The following RSF1 variants were observed in gnomAD, a reference collection of about 807,000 sequenced individuals.
The protein encoded by RSF1 is remodeling and spacing factor 1.
A neutral mutation model predicts 145.2 loss-of-function variants in RSF1; 13 were observed. That is an observed-to-expected ratio of 0.09 (90% CI 0.06 to 0.14). The LOEUF is 0.14. Ranked by LOEUF, RSF1 falls within the 10% of genes least tolerant of loss-of-function variation. The pLI, the probability that RSF1 is intolerant of heterozygous loss-of-function variation, is 1.00. For synonymous variants in RSF1, 577 were observed against 592.6 expected (o/e 0.97, Z 0.38); for missense variants, 1,517 against 1,718.2 (o/e 0.88, Z 2.07).
chr11:77,743,314 T>A (rs1947962376), intron 3 of RSF1, among the ~76,000 whole-genome samples: 1 of 152,216 alleles, frequency 6.6e-6, no homozygotes, highest in African/African-American at 2.4e-5. Context: ...AATCTGTAGA[T>A]CACTTTGGGT....
chr11:77,795,980 T>C (rs554228827), intron 1 of RSF1, among the ~76,000 whole-genome samples: 1 of 152,312 alleles, frequency 6.6e-6, no homozygotes, highest in Admixed American at 6.5e-5. Context: ...TTCTAGAATT[T>C]CTAGTTTATT....
intron 1 of RSF1, among the ~76,000 whole-genome samples, chr11:77,791,389 G>T (rs936169209): frequency 6.6e-6 from 1 of 152,108 alleles, no homozygotes. Context: ...ATGGGATGCC[G>T]TGAAGACCTC....
chr11:77,685,457 A>G (rs752914141), intron 9 of RSF1, among the ~76,000 whole-genome samples: 5 of 152,172 alleles, frequency 3.3e-5, no homozygotes, highest in Non-Finnish European at 5.9e-5. Context: ...CACCACAACC[A>G]GCTAATTTTT....
chr11:77,857,235 G>A, the RSF1 span, among the ~76,000 whole-genome samples: 3 of 152,148 alleles, frequency 2.0e-5, no homozygotes, highest in Non-Finnish European at 4.4e-5. Flanking sequence ...TGAGAGGAAG[G>A]AATACCTAAG....
rs1411392014 is a variant in RSF1 at position 77,666,253 on chromosome 11, T to TG, written c.*663_*664insC. 8 of 152,458 alleles carry TG rather than the reference T, an allele frequency of 5.2e-5. No individual in the cohort carries two copies. Among genetic ancestry groups the TG allele is most frequent in the African/African-American group, 1.9e-4 (8 of 41,468 alleles). The allele number at this position is 152,458 out of a possible 1,614,324, so 9.4% of individuals were successfully genotyped here. On this transcript the variant is annotated 3_prime_UTR_variant, in exon 16 of 16. Coordinates refer to ENST00000308488, the MANE Select transcript of RSF1 (RefSeq NM_016578.4). ...ATGCTTTTCAGATGATTTTATTTTT[T>TG]TTTAAACAAGAAACTCTGCTATAAC...
At position 77,660,555 on chromosome 11, in the gene RSF1, C is replaced by T. The variant is rs1959222046; in HGVS notation, c.*6362G>A. Reference sequence around the variant, plus strand: ...TGCTTTAAATCTCATCTCCTAGAAACCAAATAAAACATTCTGAGAACCTAT... The same window carrying T: ...TGCTTTAAATCTCATCTCCTAGAAATCAAATAAAACATTCTGAGAACCTAT... On this transcript the variant is annotated 3_prime_UTR_variant, in exon 16 of 16. Coordinates refer to ENST00000308488, the MANE Select transcript of RSF1 (RefSeq NM_016578.4). 1 of 151,988 alleles carries T rather than the reference C, an allele frequency of 6.6e-6. No individual in the cohort carries two copies. Among genetic ancestry groups the T allele is most frequent in the Non-Finnish European group, 1.5e-5 (1 of 67,988 alleles). 9.4% of individuals were successfully genotyped at this position (151,988 alleles called of 1,614,324 possible). A position where few individuals can be genotyped will look rare whatever the true frequency, so the allele number is the denominator to read the frequency against.
chr11:77,665,447 A>G lies in RSF1; in HGVS notation c.*1470T>C, dbSNP rs1838454289. ...TAATCACAAGTGCTACACTCTGTAC[A>G]ATGTTATGGCTCTGCCTGAAATTTT... On this transcript the variant is annotated 3_prime_UTR_variant, in exon 16 of 16. Transcript: ENST00000308488. The G allele has an allele frequency of 6.6e-6, 1 of 152,244 alleles. No individual in the cohort carries two copies. Among genetic ancestry groups the G allele is most frequent in the African/African-American group, 2.4e-5 (1 of 41,472 alleles). 9.4% of individuals were successfully genotyped at this position (152,244 alleles called of 1,614,324 possible).
chr11:77,675,860 T>C (rs1392494448), intron 13 of RSF1, among the ~76,000 whole-genome samples: 2 of 152,254 alleles, frequency 1.3e-5, no homozygotes, highest in Non-Finnish European at 2.9e-5. Context: ...ATAAATCTCA[T>C]ATTAATTTAG....
chr11:77,679,732 T>C (rs754837700), intron 11 of RSF1, among the ~76,000 whole-genome samples: 13 of 151,922 alleles, frequency 8.6e-5, no homozygotes, highest in Non-Finnish European at 1.5e-4. Context: ...ATTACTGCTA[T>C]TGAAAATTAT....
intron 1 of RSF1, among the ~76,000 whole-genome samples, chr11:77,765,269 G>A (rs1011540085): frequency 2.6e-5 from 4 of 152,308 alleles, no homozygotes; most frequent in Admixed American, 6.5e-5. Context: ...AAGGAACCAA[G>A]AAGTATGAAT....
intron 1 of RSF1, among the ~76,000 whole-genome samples, chr11:77,812,356 T>C (rs370272453): frequency 3.5e-4 from 53 of 152,302 alleles, no homozygotes; most frequent in Non-Finnish European, 6.0e-4. Context: ...ATAATCCTAC[T>C]ATTCAGAAAA....
intron 1 of RSF1, among the ~76,000 whole-genome samples, chr11:77,808,856 T>C (rs752345486): frequency 6.6e-6 from 1 of 152,188 alleles, no homozygotes; most frequent in Non-Finnish European, 1.5e-5. Flanking sequence ...CTTTTAAAAA[T>C]AATGTTCATG....
intron 2 of RSF1, among the ~76,000 whole-genome samples, chr11:77,747,391 A>G (rs1265160053): frequency 6.6e-6 from 1 of 152,174 alleles, no homozygotes; most frequent in African/African-American, 2.4e-5. Context: ...TACTTTATAG[A>G]CACATTTTCC....
At chr11:77,841,460 T>C in the RSF1 span, among the ~76,000 whole-genome samples, 1 of 152,198 alleles carries the variant, frequency 6.6e-6, no homozygotes, top group Non-Finnish European at 1.5e-5. Flanking sequence ...TAATTAAACA[T>C]TTGGCTCAAA....
At chr11:77,864,770 G>A in the RSF1 span, among the ~76,000 whole-genome samples, 2 of 152,052 alleles carry the variant, frequency 1.3e-5, no homozygotes, top group African/African-American at 4.8e-5. Flanking sequence ...TTTGAGCCTA[G>A]GAGTTCAAGA....
chr11:77,730,063 T>C (rs1195604153), intron 4 of RSF1, among the ~76,000 whole-genome samples: 2 of 152,114 alleles, frequency 1.3e-5, no homozygotes, highest in Non-Finnish European at 2.9e-5. Flanking sequence ...AATTAGTTCA[T>C]ATAATTCCAA....
At chr11:77,837,682 T>G in the RSF1 span, among the ~76,000 whole-genome samples, 1 of 152,160 alleles carries the variant, frequency 6.6e-6, no homozygotes, top group African/African-American at 2.4e-5. Flanking sequence ...GTGATCCACC[T>G]GCTTTGGCCA....
At chr11:77,680,619 A>G (rs1459977202) in intron 11 of RSF1, among the ~76,000 whole-genome samples, 1 of 152,196 alleles carries the variant, frequency 6.6e-6, no homozygotes, top group Non-Finnish European at 1.5e-5. Context: ...GAGTTAGAAT[A>G]TATAATTTCA....
the RSF1 span, among the ~76,000 whole-genome samples, chr11:77,868,358 T>C: frequency 1.8e-4 from 17 of 94,786 alleles, no homozygotes; most frequent in Non-Finnish European, 2.8e-4. Flanking sequence ...CCCAGCCGCC[T>C]TTTTTTTTTT....
Sources: gnomAD v4.1 joint callset for allele counts (sites outside exome capture counted in the v4.1 genomes callset) on GRCh38, gnomAD v4.1.1 for gene constraint, MANE v1.5 for transcripts, NCBI Gene and HGNC (gene_info 2026-07-23, HGNC 2026-07-21) for gene names.